Variants in MTRFR observed in about 807,000 individuals in gnomAD.
MTRFR encodes the protein probable peptide chain release factor C12orf65, mitochondrial.
A neutral mutation model predicts 11.9 loss-of-function variants in MTRFR; 10 were observed. The ratio of observed to expected loss-of-function variants is 0.84; its 90% CI spans 0.52 to 1.42. The LOEUF is 1.42. MTRFR is among the 40% of genes most tolerant of loss of function. The probability of loss-of-function intolerance (pLI) is 0.00; values close to 1 mark genes in which losing one functional copy is unlikely to be tolerated. For synonymous variants in MTRFR, 77 were observed against 79.1 expected (o/e 0.97, Z 0.14); for missense variants, 196 against 197.9 (o/e 0.99, Z 0.06).
At chr12:123,248,195 A>C (rs773679793) in intron 1 of MTRFR, 10 of 151,652 alleles carry the variant, frequency 6.6e-5, no homozygotes, top group Non-Finnish European at 1.5e-4. Flanking sequence ...TGTTTGTCTG[A>C]AAACAACTAT....
rs2047764130 is a variant in MTRFR at position 123,233,493 on chromosome 12, C to G, written c.-67C>G. ...CCTCCGCTGAGGTGATTTGGATATCCCTAGAACGTTGAGGGCACGAGTCGG... is the reference window on the plus strand; with the variant it reads ...CCTCCGCTGAGGTGATTTGGATATCGCTAGAACGTTGAGGGCACGAGTCGG... On this transcript the variant is annotated 5_prime_UTR_variant, in exon 1 of 3. Transcript: ENST00000253233. The G allele has an allele frequency of 6.6e-6, 1 of 152,270 alleles. No individual in the cohort carries two copies. Among genetic ancestry groups the G allele is most frequent in the Non-Finnish European group, 1.5e-5 (1 of 68,060 alleles). 9.4% of individuals were successfully genotyped at this position (152,270 alleles called of 1,614,324 possible).
At chr12:123,236,657 A>G (rs1440609058) in intron 1 of MTRFR, among the ~76,000 whole-genome samples, 1 of 152,200 alleles carries the variant, frequency 6.6e-6, no homozygotes, top group African/African-American at 2.4e-5. Context: ...AACAAACACA[A>G]GGCATCGTTA....
chr12:123,238,464 T>G (rs1672083035), intron 1 of MTRFR, among the ~76,000 whole-genome samples: 1 of 152,096 alleles, frequency 6.6e-6, no homozygotes, highest in Non-Finnish European at 1.5e-5. Flanking sequence ...TCTCAGTTTC[T>G]TAAATGTCAT....
At position 123,236,849 on chromosome 12, in the gene MTRFR, C is replaced by T. The variant is rs994314288; in HGVS notation, c.-29+3318C>T. Among the ~76,000 whole-genome samples, 8 of 151,898 alleles carry T rather than the reference C, an allele frequency of 5.3e-5. No individual in the cohort carries two copies. In the South Asian group the frequency reaches 6.2e-4, roughly 12 times the overall value. On this transcript the variant is annotated intron_variant, in intron 1 of 2. Coordinates refer to ENST00000253233, the MANE Select transcript of MTRFR (RefSeq NM_152269.5). ...CACACCTCTCAGCACTTTGAGAGGC[C>T]GAGGCGGGCGGATCGCCTGAGGTCA...
chr12:123,234,230 G>A (rs1000452532), intron 1 of MTRFR, among the ~76,000 whole-genome samples: 1 of 152,134 alleles, frequency 6.6e-6, no homozygotes, highest in Non-Finnish European at 1.5e-5. Context: ...TTTACCTCCA[G>A]GAGTTCTGGC....
intron 1 of MTRFR, chr12:123,252,576 TGATA>T (rs1240809130): frequency 6.6e-6 from 1 of 151,902 alleles, no homozygotes; most frequent in Non-Finnish European, 1.5e-5. Flanking sequence ...TGACATTGAT[TGATA>T]GTGATGTTTA....
At chr12:123,245,549 A>G (rs1049670048) in intron 1 of MTRFR, among the ~76,000 whole-genome samples, 1 of 152,128 alleles carries the variant, frequency 6.6e-6, no homozygotes, top group South Asian at 2.1e-4. Flanking sequence ...TGTGTCATCT[A>G]TGATTCCTTT....
At chr12:123,237,626 C>G (rs927147941) in intron 1 of MTRFR, among the ~76,000 whole-genome samples, 16 of 152,174 alleles carry the variant, frequency 1.1e-4, no homozygotes, top group Non-Finnish European at 2.4e-4. Flanking sequence ...ATTTCCTGCT[C>G]AATCTATTAT....
chr12:123,252,879 C>A (rs11609160), intron 1 of MTRFR, among the ~76,000 whole-genome samples: 6 of 151,912 alleles, frequency 3.9e-5, no homozygotes, highest in Admixed American at 3.3e-4. Flanking sequence ...GAGCCAAGAT[C>A]GCGCCATCGC....
intron 1 of MTRFR, among the ~76,000 whole-genome samples, chr12:123,239,481 C>A (rs2047897555): frequency 6.6e-6 from 1 of 151,920 alleles, no homozygotes; most frequent in South Asian, 2.1e-4. Context: ...CGGCTCACCG[C>A]AATCTCCACC....
In MTRFR at chr12:123,253,636, A is replaced by G; in HGVS notation, c.-28-11A>G. ...CTCTTACTGAAAGCTCTCCTTATTC[A>G]TCTAACCCAGGTCCTCAGCCAGCAG... On this transcript the variant is annotated splice_polypyrimidine_tract_variant and intron_variant, in intron 1 of 2. Coordinates refer to ENST00000253233, the MANE Select transcript of MTRFR (RefSeq NM_152269.5). 6.2e-7 allele frequency: 1 copy of G among 1,613,778 alleles called. No individual in the cohort carries two copies. The highest frequency in any genetic ancestry group is 8.5e-7 in the Non-Finnish European group (1 of 1,179,948).
intron 1 of MTRFR, among the ~76,000 whole-genome samples, chr12:123,237,370 C>T (rs1295704191): frequency 6.6e-6 from 1 of 152,146 alleles, no homozygotes; most frequent in Non-Finnish European, 1.5e-5. Context: ...GCAGAGGTTG[C>T]AGTGAGCCAA....
chr12:123,250,037 C>T (rs1420124713), intron 1 of MTRFR: 1 of 152,224 alleles, frequency 6.6e-6, no homozygotes, highest in Non-Finnish European at 1.5e-5. Flanking sequence ...GGTCGTTTAA[C>T]ACAATCCCAG....
intron 1 of MTRFR, among the ~76,000 whole-genome samples, chr12:123,234,384 T>C (rs1466650393): frequency 2.0e-5 from 3 of 151,560 alleles, no homozygotes; most frequent in Non-Finnish European, 4.4e-5. Flanking sequence ...TTTTTTACTT[T>C]TTTTATTTTT....
chr12:123,241,797 G>A (rs1418098002), intron 1 of MTRFR, among the ~76,000 whole-genome samples: 1 of 152,186 alleles, frequency 6.6e-6, no homozygotes, highest in Non-Finnish European at 1.5e-5. Flanking sequence ...AGTTGAACAT[G>A]CCATCCCTGC....
At chr12:123,245,978 T>G (rs2048034092) in intron 1 of MTRFR, among the ~76,000 whole-genome samples, 1 of 152,206 alleles carries the variant, frequency 6.6e-6, no homozygotes. Flanking sequence ...TCTTGTCTTG[T>G]TCCAATTCTC....
intron 1 of MTRFR, chr12:123,243,851 A>C (rs2047990416): frequency 1.3e-5 from 2 of 152,296 alleles, no homozygotes; most frequent in African/African-American, 4.8e-5. Context: ...GCACATATTT[A>C]CAAGAAAGCA....
At chr12:123,247,767 G>A (rs1223866223) in intron 1 of MTRFR, among the ~76,000 whole-genome samples, 1 of 152,070 alleles carries the variant, frequency 6.6e-6, no homozygotes. Context: ...AACACAGTGA[G>A]ACCTCATCTC....
rs999826534 is a variant in MTRFR at position 123,247,877 on chromosome 12, G to A, written c.-28-5770G>A. Among the ~76,000 whole-genome samples, 23 of 152,038 alleles carry A rather than the reference G, an allele frequency of 1.5e-4. 1 individual carries two copies. Among genetic ancestry groups the A allele is most frequent in the Admixed American group, 1.4e-3 (22 of 15,266 alleles). Reference sequence around the variant, plus strand: ...GGAGAATGGCATGAACCTGGGAGGCGGAGCTTGCAGTGAGCCATTATCATG... The same window carrying A: ...GGAGAATGGCATGAACCTGGGAGGCAGAGCTTGCAGTGAGCCATTATCATG... On this transcript the variant is annotated intron_variant, in intron 1 of 2. Transcript: ENST00000253233.
Sources: allele counts gnomAD v4.1 joint callset (sites outside exome capture counted in the v4.1 genomes callset), GRCh38; gene constraint gnomAD v4.1.1; transcripts MANE v1.5; gene names NCBI Gene and HGNC (gene_info 2026-07-23, HGNC 2026-07-21).